FTCDNL1: variants seen among roughly 807,000 people sequenced by gnomAD.
The protein encoded by FTCDNL1 is formiminotransferase N-terminal subdomain-containing protein.
Under a neutral mutation model 5.9 loss-of-function variants are expected in FTCDNL1, and 11 were observed. That is an observed-to-expected ratio of 1.87 (90% CI 1.18 to 3.10). The LOEUF (loss-of-function observed/expected upper bound fraction) is 3.10, where lower values mean the gene tolerates loss of function less well. Among genes scored for constraint, FTCDNL1 ranks in the 30% most tolerant of loss-of-function variants. The probability of loss-of-function intolerance (pLI) is 0.00; values close to 1 mark genes in which losing one functional copy is unlikely to be tolerated. For missense variants in FTCDNL1, 115 were observed against 65.5 expected (o/e 1.76, Z -2.61); for synonymous variants, 58 against 24.8 (o/e 2.34, Z -3.99).
the FTCDNL1 span, among the ~76,000 whole-genome samples, chr2:199,744,214 T>C: frequency 6.6e-5 from 10 of 152,336 alleles, no homozygotes; most frequent in South Asian, 1.9e-3. Context: ...AGATGGACTC[T>C]TTAAGCCCCT....
intron 3 of FTCDNL1, among the ~76,000 whole-genome samples, chr2:199,774,486 T>C (rs1016180238): frequency 1.3e-5 from 2 of 152,176 alleles, no homozygotes; most frequent in East Asian, 1.9e-4. Context: ...AGGTAATTCC[T>C]GAGGGGTACA....
chr2:199,844,574 A>G, intron 3 of FTCDNL1: 1 of 475,508 alleles, frequency 2.1e-6, no homozygotes. Flanking sequence ...TCAGCTTTCA[A>G]CTGCATCTAA....
chr2:199,669,598 G>T, the FTCDNL1 span, among the ~76,000 whole-genome samples: 1 of 152,168 alleles, frequency 6.6e-6, no homozygotes, highest in African/African-American at 2.4e-5. Context: ...TATTTCAAGG[G>T]AAGTCGAGTC....
intron 3 of FTCDNL1, among the ~76,000 whole-genome samples, chr2:199,840,948 C>T (rs1006728129): frequency 8.6e-5 from 13 of 151,844 alleles, no homozygotes; most frequent in Admixed American, 4.6e-4. Context: ...CCTAGGAATT[C>T]AAGACCCACC....
chr2:199,802,946 G>A lies in FTCDNL1; in HGVS notation c.212-42111C>T, dbSNP rs549450928. ...ATAGAGTAAAAGACAGAGTTTGGGA[G>A]GCTGAGGTAGGAAGATCATTTGAGC... On this transcript the variant is annotated intron_variant, in intron 3 of 3. Transcript: ENST00000416668. Among the ~76,000 whole-genome samples, 246 of 152,214 alleles carry A rather than the reference G, an allele frequency of 1.6e-3. 2 individuals are homozygous for A. Among genetic ancestry groups the A allele is most frequent in the African/African-American group, 5.6e-3 (231 of 41,534 alleles).
chr2:199,848,743 GAAGA>G (rs772049933), intron 2 of FTCDNL1, 101 bp downstream of exon 2: 22 of 581,672 alleles, frequency 3.8e-5, no homozygotes, highest in Non-Finnish European at 6.1e-5. Context: ...GAAAATTCAG[GAAGA>G]AAGAAAGAAA....
the FTCDNL1 span, among the ~76,000 whole-genome samples, chr2:199,688,230 C>CCA: frequency 1.7e-5 from 2 of 120,260 alleles, no homozygotes; most frequent in African/African-American, 6.7e-5. Context: ...GACTCTGTCT[C>CCA]AAAAAAAAAA....
the FTCDNL1 span, among the ~76,000 whole-genome samples, chr2:199,746,421 T>C: frequency 6.6e-6 from 1 of 152,118 alleles, no homozygotes; most frequent in Non-Finnish European, 1.5e-5. Flanking sequence ...ACTTGTTGTA[T>C]AGAGTCAAAC....
At chr2:199,779,218 A>T (rs1360009073) in intron 3 of FTCDNL1, among the ~76,000 whole-genome samples, 1 of 152,236 alleles carries the variant, frequency 6.6e-6, no homozygotes, top group Non-Finnish European at 1.5e-5. Flanking sequence ...AAGACTATTG[A>T]TATTTGCTCA....
Position 199,812,400 on chromosome 2 carries a change from A to G in FTCDNL1, c.*305T>C, listed in dbSNP as rs1364261200. On this transcript the variant is annotated 3_prime_UTR_variant, in exon 5 of 5. Coordinates refer to ENST00000420128, the MANE Select transcript of FTCDNL1 (RefSeq NM_001363886.2). ...TGAATCAAATTCTGTGTTTAAATCC[A>G]GCAGTCCCATTGACCTTATTTAAAT... 1 of 309,524 alleles carries G rather than the reference A, an allele frequency of 3.2e-6. No individual in the cohort carries two copies. The highest frequency in any genetic ancestry group is 2.1e-5 in the African/African-American group (1 of 46,728). 19.2% of individuals were successfully genotyped at this position (309,524 alleles called of 1,614,324 possible).
intron 3 of FTCDNL1, among the ~76,000 whole-genome samples, chr2:199,840,607 T>TA (rs1166403219): frequency 6.6e-6 from 1 of 152,162 alleles, no homozygotes; most frequent in South Asian, 2.1e-4. Context: ...AAGTGTGATA[T>TA]TTCGATATCT....
chr2:199,721,993 T>C, the FTCDNL1 span, among the ~76,000 whole-genome samples: 18 of 152,222 alleles, frequency 1.2e-4, no homozygotes, highest in African/African-American at 4.3e-4. Flanking sequence ...TTCTTATAAA[T>C]ATATTTAAGT....
downstream of FTCDNL1, among the ~76,000 whole-genome samples, chr2:199,758,070 A>C (rs1199428959): frequency 6.6e-6 from 1 of 152,176 alleles, no homozygotes; most frequent in South Asian, 2.1e-4. Flanking sequence ...AACATTCAGC[A>C]AAACAGGCAC....
At chr2:199,737,595 A>G in the FTCDNL1 span, among the ~76,000 whole-genome samples, 4 of 152,206 alleles carry the variant, frequency 2.6e-5, no homozygotes, top group Non-Finnish European at 5.9e-5. Flanking sequence ...TGACTAAAAC[A>G]ATCTTTTAGA....
chr2:199,786,824 C>A (rs771975363), intron 3 of FTCDNL1, among the ~76,000 whole-genome samples: 1 of 152,198 alleles, frequency 6.6e-6, no homozygotes, highest in Non-Finnish European at 1.5e-5. Context: ...CCTGGAACCA[C>A]ACAAATTTGT....
Position 199,848,982 on chromosome 2 carries a change from A to G in FTCDNL1, c.-7-13T>C, listed in dbSNP as rs2076803457. 2.9e-6 allele frequency: 2 copies of G among 698,150 alleles called. No individual in the cohort carries two copies. The highest frequency in any genetic ancestry group is 5.2e-6 in the Non-Finnish European group (2 of 383,762). The allele number at this position is 698,150 out of a possible 1,614,324, so 43.2% of individuals were successfully genotyped here. On this transcript the variant is annotated splice_polypyrimidine_tract_variant and intron_variant, in intron 1 of 4. Transcript: ENST00000420128. Reference sequence around the variant, plus strand: ...AGACATGATTTTTCTGGAATAGGAGAAAAATTTTTATGTGTCTCTAGAGTT... The same window carrying G: ...AGACATGATTTTTCTGGAATAGGAGGAAAATTTTTATGTGTCTCTAGAGTT...
At chr2:199,824,854 G>A (rs987545068) in intron 3 of FTCDNL1, among the ~76,000 whole-genome samples, 2 of 152,108 alleles carry the variant, frequency 1.3e-5, no homozygotes, top group African/African-American at 2.4e-5. Flanking sequence ...AGACATAATA[G>A]TGGCTGGGCA....
downstream of FTCDNL1, among the ~76,000 whole-genome samples, chr2:199,760,302 A>G (rs575054715): frequency 1.3e-5 from 2 of 152,326 alleles, no homozygotes; most frequent in South Asian, 4.1e-4. Context: ...AACAGAGAGA[A>G]AGTTCTGCTT....
rs1297839990 is a variant in FTCDNL1 at position 199,811,511 on chromosome 2, C to G, written c.*1194G>C. Among the ~76,000 whole-genome samples, 1 of 152,146 alleles carries G rather than the reference C, an allele frequency of 6.6e-6. No homozygotes were observed. The highest frequency in any genetic ancestry group is 1.5e-5 in the Non-Finnish European group (1 of 68,040). On this transcript the variant is annotated 3_prime_UTR_variant, in exon 5 of 5. Coordinates refer to ENST00000420128, the MANE Select transcript of FTCDNL1 (RefSeq NM_001363886.2). Reference sequence around the variant, plus strand: ...CAGCATGACTATTCAAAATCCTTACCAGGCCTGTAGTGCTTCACCATTACG... The same window carrying G: ...CAGCATGACTATTCAAAATCCTTACGAGGCCTGTAGTGCTTCACCATTACG...
Sources: gnomAD v4.1 joint callset for allele counts (sites outside exome capture counted in the v4.1 genomes callset) on GRCh38, gnomAD v4.1.1 for gene constraint, MANE v1.5 for transcripts, NCBI Gene and HGNC (gene_info 2026-07-23, HGNC 2026-07-21) for gene names.